PPM1D: variants seen among roughly 807,000 people sequenced by gnomAD.
PPM1D encodes the protein protein phosphatase 1D.
A neutral mutation model predicts 58.3 loss-of-function variants in PPM1D; 52 were observed. The ratio of observed to expected loss-of-function variants is 0.89; its 90% CI spans 0.71 to 1.12. The LOEUF (loss-of-function observed/expected upper bound fraction) is 1.12, where lower values mean the gene tolerates loss of function less well. Ranked by LOEUF, PPM1D falls within the 50% of genes most tolerant of loss-of-function variation. The pLI, the probability that PPM1D is intolerant of heterozygous loss-of-function variation, is 0.00. For missense variants in PPM1D, 564 were observed against 777.2 expected (o/e 0.73, Z 3.26); for synonymous variants, 278 against 285.1 (o/e 0.98, Z 0.25).
At chr17:60,656,473 GAA>G in intron 4 of PPM1D, 124 bp from the exon 5 acceptor site, 9 of 967,796 alleles carry the variant, frequency 9.3e-6, no homozygotes, top group Admixed American at 3.6e-5. Context: ...AAAGAGAAAA[GAA>G]AAAAAAAAAT....
Position 60,663,171 on chromosome 17 carries a change from T to G in PPM1D, c.1437T>G (p.Ala479=). Residue 479 remains alanine (A), a synonymous_variant, in exon 6 of 6, where the codon GCT becomes GCG. Transcript: ENST00000305921. ...KDPEPLEENC[A]KALTLRIHDS... Reference sequence around the variant, plus strand: ...CAGAACCACTTGAAGAAAATTGCGCTAAAGCCCTGACTTTAAGGATACATG... The same window carrying G: ...CAGAACCACTTGAAGAAAATTGCGCGAAAGCCCTGACTTTAAGGATACATG... The G allele has an allele frequency of 6.2e-7, 1 of 1,614,132 alleles. No homozygotes were observed. Among genetic ancestry groups the G allele is most frequent in the Non-Finnish European group, 8.5e-7 (1 of 1,179,954 alleles).
In PPM1D at chr17:60,600,293, C is replaced by T; in HGVS notation, c.-122C>T. ...GCGCGCCCCCCCTTCTCCGGGTCCGCCCCCTCCCCCTTCTCGGCGTCGTCG... is the reference window on the plus strand; with the variant it reads ...GCGCGCCCCCCCTTCTCCGGGTCCGTCCCCTCCCCCTTCTCGGCGTCGTCG... On this transcript the variant is annotated 5_prime_UTR_variant, in exon 1 of 6. Coordinates refer to ENST00000305921, the MANE Select transcript of PPM1D (RefSeq NM_003620.4). The T allele has an allele frequency of 1.4e-6, 2 of 1,449,762 alleles. No homozygotes were observed. Among genetic ancestry groups the T allele is most frequent in the East Asian group, 2.6e-5 (1 of 38,724 alleles). 89.8% of individuals were successfully genotyped at this position (1,449,762 alleles called of 1,614,324 possible).
intron 2 of PPM1D, among the ~76,000 whole-genome samples, chr17:60,630,039 CAAA>C (rs200694728): frequency 6.7e-6 from 1 of 148,924 alleles, no homozygotes; most frequent in Admixed American, 6.6e-5. Context: ...AAAACTGTCT[CAAA>C]AAAAATAAAA....
intron 3 of PPM1D, among the ~76,000 whole-genome samples, chr17:60,643,125 A>G (rs2143692845): frequency 6.6e-6 from 1 of 151,930 alleles, no homozygotes; most frequent in African/African-American, 2.4e-5. Context: ...GCAGCCTGTA[A>G]TCCTAGCACT....
intron 4 of PPM1D, among the ~76,000 whole-genome samples, chr17:60,650,363 C>T (rs1034099494): frequency 6.6e-6 from 1 of 152,162 alleles, no homozygotes; most frequent in South Asian, 2.1e-4. Context: ...CCGGCCTGGC[C>T]AACATGGTGA....
intron 5 of PPM1D, among the ~76,000 whole-genome samples, chr17:60,657,947 T>G (rs2143722171): frequency 6.6e-6 from 1 of 152,160 alleles, no homozygotes; most frequent in East Asian, 1.9e-4. Context: ...CACCATGTTG[T>G]CCAAGCTGGT....
At chr17:60,615,383 C>G (rs1026994109) in intron 1 of PPM1D, among the ~76,000 whole-genome samples, 3 of 151,710 alleles carry the variant, frequency 2.0e-5, no homozygotes, top group Non-Finnish European at 2.9e-5. Flanking sequence ...GCATTGCAGC[C>G]CGGGTGACAG....
chr17:60,612,097 AT>A (rs1321293543), intron 1 of PPM1D, among the ~76,000 whole-genome samples: 1 of 152,022 alleles, frequency 6.6e-6, no homozygotes, highest in Non-Finnish European at 1.5e-5. Context: ...AATGGTACAC[AT>A]TTAAAGTATA....
chr17:60,613,455 G>A (rs1250596155), intron 1 of PPM1D, among the ~76,000 whole-genome samples: 10 of 152,372 alleles, frequency 6.6e-5, no homozygotes, highest in South Asian at 2.1e-4. Context: ...AGTTGACAGC[G>A]TGCTGGCAGC....
chr17:60,655,501 A>G (rs2031420774), intron 4 of PPM1D, among the ~76,000 whole-genome samples: 2 of 151,514 alleles, frequency 1.3e-5, no homozygotes, highest in African/African-American at 4.9e-5. Context: ...GGCACACACC[A>G]CCATGCCTGA....
chr17:60,600,431 C>T lies in PPM1D; in HGVS notation c.17C>T (p.Ser6Leu). Residue 6 changes from serine to leucine, a missense_variant, in exon 1 of 6, where the codon TCG becomes TTG. This residue lies in a region of PPM1D where 132 missense variants were observed against 150.4 expected (regional missense o/e 0.88). Transcript: ENST00000305921. ...CAGCCGGCCATGGCGGGGCTGTACT[C>T]GCTGGGAGTGAGCGTCTTCTCCGAC... is the stretch of plus-strand genomic sequence containing the variant. The part of the protein sequence containing the change: MAGLY[S>L]LGVSVFSDQG... The T allele has an allele frequency of 1.3e-6, 2 of 1,552,796 alleles. No individual in the cohort carries two copies. Among genetic ancestry groups the T allele is most frequent in the Non-Finnish European group, 1.7e-6 (2 of 1,148,290 alleles).
intron 2 of PPM1D, among the ~76,000 whole-genome samples, chr17:60,632,099 CAGG>C (rs928280364): frequency 1.4e-4 from 21 of 151,934 alleles, no homozygotes; most frequent in Middle Eastern, 6.8e-3. Context: ...GAGGCTGAGG[CAGG>C]AGAATGGCAT....
chr17:60,657,188 T>A (rs1400475731), intron 5 of PPM1D: 1 of 945,424 alleles, frequency 1.1e-6, no homozygotes, highest in Non-Finnish European at 1.4e-6. Context: ...ATTATTTCAT[T>A]TTATCAGTAA....
At chr17:60,640,788 G>A (rs1428474473) in intron 3 of PPM1D, among the ~76,000 whole-genome samples, 2 of 151,824 alleles carry the variant, frequency 1.3e-5, no homozygotes, top group African/African-American at 4.8e-5. Flanking sequence ...GAGAACATGT[G>A]GTATTTGGCT....
chr17:60,633,219 A>T (rs1328412388), intron 2 of PPM1D, among the ~76,000 whole-genome samples: 3 of 152,086 alleles, frequency 2.0e-5, no homozygotes, highest in Non-Finnish European at 4.4e-5. Context: ...CAGGAGGTGG[A>T]GGTTGTGGTG....
intron 3 of PPM1D, among the ~76,000 whole-genome samples, chr17:60,646,196 A>G (rs1278503120): frequency 6.6e-6 from 1 of 152,184 alleles, no homozygotes; most frequent in African/African-American, 2.4e-5. Context: ...TATCTGGATT[A>G]TAATTAGCTT....
At chr17:60,617,118 A>T (rs980611243) in intron 1 of PPM1D, among the ~76,000 whole-genome samples, 21 of 140,970 alleles carry the variant, frequency 1.5e-4, no homozygotes, top group African/African-American at 5.0e-4. Flanking sequence ...CTGGTTAATT[A>T]AAAAAAAAAA....
chr17:60,662,398 A>G (rs1598415180), intron 5 of PPM1D: 1 of 152,182 alleles, frequency 6.6e-6, no homozygotes, highest in African/African-American at 2.4e-5. Context: ...TCTTCTTTGT[A>G]TCATTCCAAT....
chr17:60,646,520 A>G (rs559376458), intron 3 of PPM1D, among the ~76,000 whole-genome samples: 1 of 152,222 alleles, frequency 6.6e-6, no homozygotes, highest in African/African-American at 2.4e-5. Context: ...ATAGTTCACA[A>G]TAAACAAAAG....
Sources: gnomAD v4.1 joint callset for allele counts (sites outside exome capture counted in the v4.1 genomes callset) on GRCh38, gnomAD v4.1.1 for gene constraint, gnomAD v4.1.1 regional missense constraint, MANE v1.5 for transcripts, NCBI Gene and HGNC (gene_info 2026-07-23, HGNC 2026-07-21) for gene names.